The following RBMS3 variants were observed in gnomAD, a reference collection of about 807,000 sequenced individuals.
The protein encoded by RBMS3 is RNA-binding motif, single-stranded-interacting protein 3.
Under a neutral mutation model 66.8 loss-of-function variants are expected in RBMS3, and 27 were observed. That is an observed-to-expected ratio of 0.40 (90% CI 0.30 to 0.56). RBMS3 has a LOEUF of 0.56. Among genes scored for constraint, RBMS3 ranks in the 20% least tolerant of loss-of-function variants. The pLI, the probability that RBMS3 is intolerant of heterozygous loss-of-function variation, is 0.40. For synonymous variants in RBMS3, 188 were observed against 183.0 expected (o/e 1.03, Z -0.22); for missense variants, 513 against 549.5 (o/e 0.93, Z 0.66).
intron 5 of RBMS3, among the ~76,000 whole-genome samples, chr3:29,757,677 G>T (rs2055485268): frequency 6.6e-6 from 1 of 152,152 alleles, no homozygotes; most frequent in South Asian, 2.1e-4. Flanking sequence ...GATTTTAAAA[G>T]CTTCTTATTT....
In RBMS3 at chr3:29,327,088, A is replaced by C. The variant is rs112580438; in HGVS notation, c.75+45332A>C. On this transcript the variant is annotated intron_variant, in intron 1 of 14. Transcript: ENST00000383767. ...AAAAATCCTTTTTAAAAAAGGTAGGAGACTAATGTTAAGGAAGGTTTTGGG... is the reference window on the plus strand; with the variant it reads ...AAAAATCCTTTTTAAAAAAGGTAGGCGACTAATGTTAAGGAAGGTTTTGGG... Among the ~76,000 whole-genome samples the C allele has an allele frequency of 3.8e-3, 572 of 152,296 alleles. 2 individuals are homozygous for C. The highest frequency in any genetic ancestry group is 5.4e-3 in the Non-Finnish European group (367 of 68,008).
At chr3:29,995,235 G>A (rs1162178657) in intron 14 of RBMS3, among the ~76,000 whole-genome samples, 1 of 151,962 alleles carries the variant, frequency 6.6e-6, no homozygotes, top group Non-Finnish European at 1.5e-5. Flanking sequence ...AAAGAAATGA[G>A]CAAAGCCTCC....
At chr3:29,668,671 A>G (rs1042290321) in intron 4 of RBMS3, among the ~76,000 whole-genome samples, 1 of 152,258 alleles carries the variant, frequency 6.6e-6, no homozygotes, top group African/African-American at 2.4e-5. Flanking sequence ...TGAAGCTAAA[A>G]GAAAGGAGGT....
intron 4 of RBMS3, among the ~76,000 whole-genome samples, chr3:29,723,696 A>G (rs922446193): frequency 1.3e-5 from 2 of 152,092 alleles, no homozygotes. Context: ...TTAGTGATTC[A>G]TTGAGGTGGA....
chr3:29,684,892 T>C (rs983163186), intron 4 of RBMS3, among the ~76,000 whole-genome samples: 35 of 152,204 alleles, frequency 2.3e-4, no homozygotes, highest in African/African-American at 8.2e-4. Flanking sequence ...AGTATGTTTA[T>C]TGATGAACAC....
At chr3:29,387,683 A>C (rs2039069789) in intron 1 of RBMS3, among the ~76,000 whole-genome samples, 1 of 152,126 alleles carries the variant, frequency 6.6e-6, no homozygotes, top group African/African-American at 2.4e-5. Flanking sequence ...TGGGCGGATC[A>C]TGAGGTCAGG....
intron 2 of RBMS3, among the ~76,000 whole-genome samples, chr3:29,467,681 A>G (rs1190430818): frequency 6.6e-6 from 1 of 152,206 alleles, no homozygotes; most frequent in Non-Finnish European, 1.5e-5. Context: ...AAATTAAATT[A>G]TACATTTTCA....
At position 29,357,222 on chromosome 3, in the gene RBMS3, C is replaced by T. The variant is rs372833318; in HGVS notation, c.75+75466C>T. Among the ~76,000 whole-genome samples, 255 of 152,150 alleles carry T rather than the reference C, an allele frequency of 1.7e-3. 2 individuals are homozygous for T. The South Asian group carries it at 0.017, about 10-fold the overall frequency. ...CAGCCCCCAACCCCACAACAGGCCC[C>T]GGTGTGTGATGTTCCCCTTCCGGTG... On this transcript the variant is annotated intron_variant, in intron 1 of 14. Coordinates refer to ENST00000383767, the MANE Select transcript of RBMS3 (RefSeq NM_001003793.3).
At chr3:29,908,481 TAA>T (rs2060438489) in intron 10 of RBMS3, among the ~76,000 whole-genome samples, 1 of 152,114 alleles carries the variant, frequency 6.6e-6, no homozygotes, top group Non-Finnish European at 1.5e-5. Context: ...AAAGTAAAAA[TAA>T]TCAGTTGCCA....
In RBMS3 at chr3:29,988,182, C is replaced by T. The variant is rs1195348643; in HGVS notation, c.1138C>T (p.Pro380Ser). 1.2e-6 allele frequency: 2 copies of T among 1,613,314 alleles called. No individual in the cohort carries two copies. Among genetic ancestry groups the T allele is most frequent in the African/African-American group, 1.3e-5 (1 of 75,016 alleles). ...AAAPMQGTYI[P>S]QYTPVPPTAV... Reference sequence around the variant, plus strand: ...TGCTCCTATGCAAGGGACCTACATTCCTCAGTACACGCCTGTGCCTCCGAC... The same window carrying T: ...TGCTCCTATGCAAGGGACCTACATTTCTCAGTACACGCCTGTGCCTCCGAC... Residue 380 changes from proline to serine, a missense_variant, in exon 13 of 15, where the codon CCT becomes TCT. Physicochemically the swap from Pro to Ser is moderately conservative, Grantham distance 74. Transcript: ENST00000383767.
chr3:29,566,844 G>T (rs755857194), intron 3 of RBMS3, among the ~76,000 whole-genome samples: 4 of 151,832 alleles, frequency 2.6e-5, no homozygotes, highest in Non-Finnish European at 5.9e-5. Flanking sequence ...TATGCAGGTG[G>T]ATTATCTGTC....
intron 4 of RBMS3, among the ~76,000 whole-genome samples, chr3:29,631,169 T>G (rs749255755): frequency 1.3e-5 from 2 of 152,020 alleles, no homozygotes; most frequent in African/African-American, 4.8e-5. Context: ...GTAAAGACAA[T>G]AAATAATACA....
At chr3:29,470,105 T>A (rs1309287712) in intron 2 of RBMS3, among the ~76,000 whole-genome samples, 1 of 150,432 alleles carries the variant, frequency 6.6e-6, no homozygotes, top group Non-Finnish European at 1.5e-5. Flanking sequence ...TAATAAATTA[T>A]AACACAAATA....
At position 29,497,183 on chromosome 3, in the gene RBMS3, G is replaced by A. The variant is rs2043785277; in HGVS notation, c.307+8684G>A. Among the ~76,000 whole-genome samples, 6 of 152,010 alleles carry A rather than the reference G, an allele frequency of 3.9e-5. No individual in the cohort carries two copies. In the South Asian group the frequency reaches 1.2e-3, roughly 32 times the overall value. On this transcript the variant is annotated intron_variant, in intron 3 of 14. Coordinates refer to ENST00000383767, the MANE Select transcript of RBMS3 (RefSeq NM_001003793.3). ...TTCTACCATGCCTGGCTAATTTTTTGTATTTTTAGTAGAGACGGGGTTTCA... is the reference window on the plus strand; with the variant it reads ...TTCTACCATGCCTGGCTAATTTTTTATATTTTTAGTAGAGACGGGGTTTCA...
At chr3:29,283,655 T>G (rs767590181) in intron 1 of RBMS3, among the ~76,000 whole-genome samples, 4 of 152,254 alleles carry the variant, frequency 2.6e-5, no homozygotes, top group South Asian at 4.1e-4. Context: ...TGGAACATTT[T>G]TAAAGAAGTT....
intron 1 of RBMS3, among the ~76,000 whole-genome samples, chr3:29,306,701 G>A (rs543014160): frequency 1.1e-4 from 17 of 151,932 alleles, no homozygotes; most frequent in African/African-American, 4.1e-4. Flanking sequence ...AGAATGTAGA[G>A]TGTCCCTATA....
At chr3:29,322,941 T>C (rs904851821) in intron 1 of RBMS3, among the ~76,000 whole-genome samples, 1 of 152,132 alleles carries the variant, frequency 6.6e-6, no homozygotes, top group Non-Finnish European at 1.5e-5. Context: ...TTGCTAGAAG[T>C]CATCCATCCA....
At position 29,601,671 on chromosome 3, in the gene RBMS3, A is replaced by G. The variant is rs116191262; in HGVS notation, c.399+14466A>G. On this transcript the variant is annotated intron_variant, in intron 4 of 14. Transcript: ENST00000383767. ...ACTGTTCTAATGTTTCACTGTGCAA[A>G]TAATTTCTAATTGTAAACAAAGTTG... Among the ~76,000 whole-genome samples, 571 of 152,194 alleles carry G rather than the reference A, an allele frequency of 3.8e-3. 1 individual carries two copies. Among genetic ancestry groups the G allele is most frequent in the Non-Finnish European group, 6.9e-3 (470 of 67,994 alleles).
chr3:29,671,432 T>G (rs1382699645), intron 4 of RBMS3, among the ~76,000 whole-genome samples: 1 of 152,176 alleles, frequency 6.6e-6, no homozygotes, highest in Non-Finnish European at 1.5e-5. Flanking sequence ...GAGAATGACT[T>G]TGACAAGTTG....
Sources: allele counts gnomAD v4.1 joint callset (sites outside exome capture counted in the v4.1 genomes callset), GRCh38; gene constraint gnomAD v4.1.1; transcripts MANE v1.5; gene names NCBI Gene and HGNC (gene_info 2026-07-23, HGNC 2026-07-21).